Variants in CDK14 observed in about 807,000 individuals in gnomAD.
CDK14 encodes the protein cyclin dependent kinase 14, also known as cyclin-dependent kinase 14.
CDK14 carries 34 observed loss-of-function variants against 60.7 expected under a neutral mutation model. The ratio of observed to expected loss-of-function variants is 0.56; its 90% CI spans 0.43 to 0.75. The LOEUF is 0.75. Ranked by LOEUF, CDK14 falls within the 30% of genes least tolerant of loss-of-function variation. CDK14 has a pLI of 0.00. For synonymous variants in CDK14, 197 were observed against 203.7 expected, an observed-to-expected ratio of 0.97 and a Z score of 0.28; for missense variants, 482 against 564.1, an observed-to-expected ratio of 0.85 and a Z score of 1.47.
In CDK14 at chr7:90,598,704, A is replaced by ATTTGTTTTTTT. The variant is rs1554416545; in HGVS notation, c.91+1989_91+1990insGTTTTTTTTTT. Among the ~76,000 whole-genome samples, 7 of 87,900 alleles carry ATTTGTTTTTTT rather than the reference A, an allele frequency of 8.0e-5. No homozygotes were observed. The East Asian group carries it at 8.7e-4, about 11-fold the overall frequency. The allele number at this position is 87,900 out of a possible 152,430, so 57.7% of individuals were successfully genotyped here. On this transcript the variant is annotated intron_variant, in intron 1 of 14. Coordinates refer to ENST00000380050, the MANE Select transcript of CDK14 (RefSeq NM_001287135.2). Reference sequence around the variant, plus strand: ...GTGAACTCATTCTGATTATCTAAGGATTTTTTTTTTTTTTTTTTGAGACGG... The same window carrying ATTTGTTTTTTT: ...GTGAACTCATTCTGATTATCTAAGGATTTGTTTTTTTTTTTTTTTTTTTTTTTTTGAGACGG...
intron 2 of CDK14, among the ~76,000 whole-genome samples, chr7:90,652,229 C>T (rs1418621427): frequency 6.6e-6 from 1 of 152,124 alleles, no homozygotes; most frequent in African/African-American, 2.4e-5. Context: ...ATTTGAAGTA[C>T]TTGCTGAGAA....
intron 10 of CDK14, among the ~76,000 whole-genome samples, chr7:91,043,599 G>T (rs1223489085): frequency 6.7e-6 from 1 of 149,134 alleles, no homozygotes; most frequent in Non-Finnish European, 1.5e-5. Flanking sequence ...GTTTATGTCA[G>T]AGACAATGCT....
At chr7:90,739,525 A>C (rs562616360) in intron 3 of CDK14, among the ~76,000 whole-genome samples, 1 of 152,174 alleles carries the variant, frequency 6.6e-6, no homozygotes, top group African/African-American at 2.4e-5. Context: ...AAAACTATCT[A>C]TGTAGAGTGA....
Position 91,045,974 on chromosome 7 carries a change from AT to A in CDK14, c.1105+16del, listed in dbSNP as rs1562881192. 1 of 1,549,468 alleles carries A rather than the reference AT, an allele frequency of 6.5e-7. No homozygotes were observed. The highest frequency in any genetic ancestry group is 8.9e-7 in the Non-Finnish European group (1 of 1,121,306). ...ATTTTAAGCCAGGTATGTTTCATTA[AT>A]TACAGATGACTAGGTGCTTCCTATA... is the stretch of plus-strand genomic sequence containing the variant. On this transcript the variant is annotated intron_variant, in intron 11 of 14. Coordinates refer to ENST00000380050, the MANE Select transcript of CDK14 (RefSeq NM_001287135.2).
chr7:91,127,428 C>G (rs75547783), intron 14 of CDK14, among the ~76,000 whole-genome samples: 1 of 152,220 alleles, frequency 6.6e-6, no homozygotes, highest in East Asian at 1.9e-4. Context: ...GATTTTCCCC[C>G]CTCTGCTAGT....
intron 5 of CDK14, among the ~76,000 whole-genome samples, chr7:90,816,124 A>G (rs1044329754): frequency 6.6e-6 from 1 of 152,198 alleles, no homozygotes; most frequent in African/African-American, 2.4e-5. Context: ...GAAAAGAGTT[A>G]GAGATCACTG....
intron 2 of CDK14, among the ~76,000 whole-genome samples, chr7:90,720,618 CA>C (rs941286317): frequency 1.3e-5 from 2 of 152,070 alleles, no homozygotes; most frequent in African/African-American, 2.4e-5. Flanking sequence ...TACTTTTAAA[CA>C]AAGAAGACAT....
At chr7:90,761,745 T>G (rs1371974547) in intron 4 of CDK14, among the ~76,000 whole-genome samples, 1 of 152,214 alleles carries the variant, frequency 6.6e-6, no homozygotes, top group Non-Finnish European at 1.5e-5. Flanking sequence ...AAGAATTATT[T>G]GGCCCAAAAT....
chr7:90,879,718 A>C (rs1360048524), intron 6 of CDK14, among the ~76,000 whole-genome samples: 1 of 152,104 alleles, frequency 6.6e-6, no homozygotes, highest in Non-Finnish European at 1.5e-5. Context: ...CATTGTGCAC[A>C]TGTACCCTAG....
chr7:90,770,294 A>G (rs1051341503), intron 4 of CDK14, among the ~76,000 whole-genome samples: 2 of 152,242 alleles, frequency 1.3e-5, no homozygotes, highest in Non-Finnish European at 2.9e-5. Flanking sequence ...ATGTATAACT[A>G]TAATAGTGAA....
intron 5 of CDK14, among the ~76,000 whole-genome samples, chr7:90,860,483 G>A (rs567150457): frequency 2.7e-5 from 4 of 147,682 alleles, no homozygotes; most frequent in Admixed American, 2.7e-4. Flanking sequence ...GATGAGCAGT[G>A]TTGCAAAGAA....
Position 91,140,286 on chromosome 7 carries a change from G to A in CDK14, c.*28+22078G>A, listed in dbSNP as rs543251294. On this transcript the variant is annotated intron_variant, in intron 14 of 14. Transcript: ENST00000380050. Reference sequence around the variant, plus strand: ...AAGTGCATTTTACATGACTTCCTTTGGAAAGTTGAAATAAATTTAAGAGGT... The same window carrying A: ...AAGTGCATTTTACATGACTTCCTTTAGAAAGTTGAAATAAATTTAAGAGGT... Among the ~76,000 whole-genome samples, 4 of 152,278 alleles carry A rather than the reference G, an allele frequency of 2.6e-5. No homozygotes were observed. In the South Asian group the frequency reaches 8.3e-4, roughly 32 times the overall value.
chr7:90,649,478 T>A (rs1445335779), intron 2 of CDK14, among the ~76,000 whole-genome samples: 3 of 148,570 alleles, frequency 2.0e-5, no homozygotes, highest in Non-Finnish European at 3.0e-5. Flanking sequence ...TCTTTTTTTT[T>A]AATTAAAGTT....
chr7:90,896,987 T>C (rs1302739191), intron 6 of CDK14, among the ~76,000 whole-genome samples: 1 of 152,196 alleles, frequency 6.6e-6, no homozygotes, highest in Non-Finnish European at 1.5e-5. Flanking sequence ...AATTGTGTTA[T>C]ATCCTTTATA....
intron 5 of CDK14, among the ~76,000 whole-genome samples, chr7:90,804,943 C>G (rs187685089): frequency 4.5e-4 from 69 of 152,092 alleles, no homozygotes; most frequent in African/African-American, 1.4e-3. Flanking sequence ...AAAACGCTAT[C>G]TTGTTTGATT....
Position 90,680,675 on chromosome 7 carries a change from C to CTT in CDK14, c.124-45892_124-45891insTT, listed in dbSNP as rs569807103. On this transcript the variant is annotated intron_variant, in intron 2 of 14. Coordinates refer to ENST00000380050, the MANE Select transcript of CDK14 (RefSeq NM_001287135.2). The stretch of plus-strand genomic sequence containing the variant: ...TCGTTGTCATCACATATCAGATATG[C>CTT]ATAATATGTAGCGATTCAGATCAGC... Among the ~76,000 whole-genome samples, 27 of 152,268 alleles carry CTT rather than the reference C, an allele frequency of 1.8e-4. 1 individual carries two copies. In the South Asian group the frequency reaches 5.0e-3, roughly 28 times the overall value.
At chr7:90,807,186 C>A (rs1464409512) in intron 5 of CDK14, among the ~76,000 whole-genome samples, 1 of 152,200 alleles carries the variant, frequency 6.6e-6, no homozygotes, top group Non-Finnish European at 1.5e-5. Flanking sequence ...GGGTCCCTGA[C>A]CCCCGAGTAG....
intron 14 of CDK14, among the ~76,000 whole-genome samples, chr7:91,169,384 C>G (rs1801444571): frequency 6.6e-6 from 1 of 152,158 alleles, no homozygotes; most frequent in Non-Finnish European, 1.5e-5. Flanking sequence ...TAGAGAAAAC[C>G]TCACAGGCTG....
At chr7:90,674,051 C>T (rs762517097) in intron 2 of CDK14, among the ~76,000 whole-genome samples, 2 of 151,222 alleles carry the variant, frequency 1.3e-5, no homozygotes, top group African/African-American at 2.5e-5. Context: ...GGGAGCTTAA[C>T]TAAGTTGTCT....
Sources: gnomAD v4.1 joint callset for allele counts (sites outside exome capture counted in the v4.1 genomes callset) on GRCh38, gnomAD v4.1.1 for gene constraint, MANE v1.5 for transcripts, NCBI Gene and HGNC (gene_info 2026-07-23, HGNC 2026-07-21) for gene names.